The following KIAA1217 variants were observed in gnomAD, a reference collection of about 807,000 sequenced individuals.
KIAA1217 encodes sickle tail protein homolog.
Under a neutral mutation model 163.9 loss-of-function variants are expected in KIAA1217, and 88 were observed. That is an observed-to-expected ratio of 0.54 (90% CI 0.45 to 0.64). The LOEUF is 0.64. Ranked by LOEUF, KIAA1217 falls within the 30% of genes least tolerant of loss-of-function variation. KIAA1217 has a pLI of 0.00. For synonymous variants in KIAA1217, 903 were observed against 923.1 expected (o/e 0.98, Z 0.39); for missense variants, 2,372 against 2,475.0 (o/e 0.96, Z 0.88).
At chr10:24,271,977 T>C (rs2076812671) in intron 2 of KIAA1217, among the ~76,000 whole-genome samples, 2 of 152,074 alleles carry the variant, frequency 1.3e-5, no homozygotes, top group African/African-American at 2.4e-5. Flanking sequence ...TTAGGTTGGT[T>C]ACAAGAGGCA....
chr10:24,345,212 A>C (rs2047575868), intron 2 of KIAA1217, among the ~76,000 whole-genome samples: 1 of 152,192 alleles, frequency 6.6e-6, no homozygotes, highest in African/African-American at 2.4e-5. Flanking sequence ...ACACACAAAA[A>C]AGGGGGTGGT....
chr10:24,121,141 T>C (rs1408418893), intron 2 of KIAA1217, among the ~76,000 whole-genome samples: 3 of 152,204 alleles, frequency 2.0e-5, no homozygotes, highest in African/African-American at 7.2e-5. Context: ...TCCAAGGCTG[T>C]GGGTTGTCCA....
At position 24,521,775 on chromosome 10, in the gene KIAA1217, C is replaced by A. The variant is rs769810541; in HGVS notation, c.2309-7C>A. On this transcript the variant is annotated splice_polypyrimidine_tract_variant and splice_region_variant and intron_variant, in intron 11 of 20. Transcript: ENST00000376454. ...CCTCCAATTCACCTGCTGGTTTGGG[C>A]CTGCAGGAGAATTTCCAACCTTACA... 9.9e-6 allele frequency: 16 copies of A among 1,608,974 alleles called. No individual in the cohort carries two copies. Among genetic ancestry groups the A allele is most frequent in the Non-Finnish European group, 1.4e-5 (16 of 1,177,784 alleles).
chr10:24,382,624 T>G (rs1214535445), intron 3 of KIAA1217, among the ~76,000 whole-genome samples: 2 of 151,962 alleles, frequency 1.3e-5, no homozygotes, highest in Admixed American at 1.3e-4. Context: ...TGTGTTTGCT[T>G]GTTTGAGCTC....
At chr10:24,006,686 C>G (rs1009566207) in intron 1 of KIAA1217, among the ~76,000 whole-genome samples, 1 of 152,150 alleles carries the variant, frequency 6.6e-6, no homozygotes, top group South Asian at 2.1e-4. Flanking sequence ...TCATGTTCAC[C>G]AATGTTCCAG....
chr10:24,074,729 A>ATTTTTTACTTTTT, intron 2 of KIAA1217, among the ~76,000 whole-genome samples: 1 of 115,424 alleles, frequency 8.7e-6, no homozygotes. Context: ...TTTGAGATAG[A>ATTTTTTACTTTTT]GTCTTGCTTT....
chr10:24,240,127 G>C (rs191160852), intron 2 of KIAA1217, among the ~76,000 whole-genome samples: 86 of 152,264 alleles, frequency 5.6e-4, no homozygotes, highest in African/African-American at 2.0e-3. Context: ...AAACAGTCTT[G>C]CCAGCCATTT....
At chr10:23,822,032 G>A (rs567884576) in intron 1 of KIAA1217, among the ~76,000 whole-genome samples, 1 of 152,162 alleles carries the variant, frequency 6.6e-6, no homozygotes, top group Non-Finnish European at 1.5e-5. Flanking sequence ...AGATCTCCTA[G>A]ACAATAAGTA....
intron 2 of KIAA1217, among the ~76,000 whole-genome samples, chr10:24,201,405 C>T (rs1350534726): frequency 6.6e-6 from 1 of 152,120 alleles, no homozygotes; most frequent in Non-Finnish European, 1.5e-5. Context: ...CAATATTGTC[C>T]AGTTCAGAGA....
Position 24,402,528 on chromosome 10 carries a change from CA to C in KIAA1217, c.553+21475del, listed in dbSNP as rs56323500. 4.5e-3 allele frequency among the ~76,000 whole-genome samples: 344 copies of C among 77,148 alleles called. 3 individuals are homozygous for C. The highest frequency in any genetic ancestry group is 0.012 in the South Asian group (28 of 2,258). The allele number at this position is 77,148 out of a possible 152,430, so 50.6% of individuals were successfully genotyped here. A position where few individuals can be genotyped will look rare whatever the true frequency, so the allele number is the denominator to read the frequency against. The stretch of plus-strand genomic sequence containing the variant: ...CCTCTCAAAAAAACAAAAAACAAAA[CA>C]AAAAAAAAAAAAAGGCAAAGGAGTT... On this transcript the variant is annotated intron_variant, in intron 3 of 20. Coordinates refer to ENST00000376454, the MANE Select transcript of KIAA1217 (RefSeq NM_019590.5).
intron 2 of KIAA1217, among the ~76,000 whole-genome samples, chr10:24,042,976 G>A (rs931268601): frequency 7.9e-5 from 12 of 152,170 alleles, no homozygotes; most frequent in African/African-American, 1.9e-4. Flanking sequence ...ATTGAAAAGC[G>A]TGATAAAAAT....
At chr10:24,246,320 C>T (rs2073803782) in intron 2 of KIAA1217, among the ~76,000 whole-genome samples, 1 of 152,180 alleles carries the variant, frequency 6.6e-6, no homozygotes, top group South Asian at 2.1e-4. Context: ...TAGATTGCTT[C>T]TTTTTTCTCT....
chr10:23,766,164 C>A (rs1333433464), intron 1 of KIAA1217, among the ~76,000 whole-genome samples: 1 of 152,176 alleles, frequency 6.6e-6, no homozygotes, highest in African/African-American at 2.4e-5. Flanking sequence ...CTAAAAGAAA[C>A]CTCAGTAGTT....
rs373900491 is a variant in KIAA1217, at chr10:24,513,246, T to C, written c.2002-13T>C. On this transcript the variant is annotated splice_polypyrimidine_tract_variant and intron_variant, in intron 9 of 20. Transcript: ENST00000376454. ...GGCAGAGCCCACTGAGGTTGATTTT[T>C]TTGTGTTCACAGCTGCAGAACCAGG... 3.7e-5 allele frequency: 60 copies of C among 1,612,302 alleles called. No homozygotes were observed. The highest frequency in any genetic ancestry group is 5.1e-5 in the Non-Finnish European group (60 of 1,179,090).
At chr10:24,345,925 G>C (rs2047692745) in intron 2 of KIAA1217, among the ~76,000 whole-genome samples, 1 of 152,000 alleles carries the variant, frequency 6.6e-6, no homozygotes, top group Non-Finnish European at 1.5e-5. Context: ...TTTTCATCTT[G>C]TAAAACTGAA....
chr10:24,113,683 C>T (rs567118498), intron 2 of KIAA1217, among the ~76,000 whole-genome samples: 1 of 152,154 alleles, frequency 6.6e-6, no homozygotes, highest in Non-Finnish European at 1.5e-5. Flanking sequence ...ACCGGGAAGA[C>T]GAGGACCAGG....
chr10:23,886,930 G>A (rs1841200074), intron 1 of KIAA1217, among the ~76,000 whole-genome samples: 2 of 151,510 alleles, frequency 1.3e-5, no homozygotes, highest in African/African-American at 2.4e-5. Context: ...GTAACCAGTA[G>A]AGAATACATT....
At chr10:24,206,698 G>T (rs1028771119), upstream of KIAA1217, among the ~76,000 whole-genome samples, 7 of 152,196 alleles carry the variant, frequency 4.6e-5, 1 homozygote, top group Admixed American at 4.6e-4. Context: ...TACATGTCTA[G>T]GTTTCATGAT....
At chr10:24,331,442 A>C (rs537639169) in intron 2 of KIAA1217, among the ~76,000 whole-genome samples, 2 of 152,358 alleles carry the variant, frequency 1.3e-5, no homozygotes, top group South Asian at 4.1e-4. Context: ...GTTGAAGAGG[A>C]AGCAGCTATC....
Sources: allele counts gnomAD v4.1 joint callset (sites outside exome capture counted in the v4.1 genomes callset), GRCh38; gene constraint gnomAD v4.1.1; transcripts MANE v1.5; gene names NCBI Gene and HGNC (gene_info 2026-07-23, HGNC 2026-07-21).